The following NSMF variants were observed in gnomAD, a reference collection of about 807,000 sequenced individuals.
NSMF encodes NMDA receptor synaptonuclear signaling and neuronal migration factor, also known as nasal embryonic LHRH factor.
A neutral mutation model predicts 71.0 loss-of-function variants in NSMF; 31 were observed. The observed-to-expected ratio is 0.44, with a 90% CI of 0.33 to 0.59. The LOEUF (loss-of-function observed/expected upper bound fraction) is 0.59, where lower values mean the gene tolerates loss of function less well. NSMF is among the 20% of genes least tolerant of loss of function. NSMF has a pLI of 0.04. For missense variants in NSMF, 673 were observed against 740.5 expected (o/e 0.91, Z 1.06); for synonymous variants, 345 against 287.1 (o/e 1.20, Z -2.04).
Position 137,457,710 on chromosome 9 carries a change from C to G in NSMF, c.325G>C (p.Ala109Pro). The change falls in exon 3 of 16, where the codon GCC becomes CCC. Residue 109 changes from alanine to proline, a missense_variant. Ala to Pro is a conservative substitution (Grantham distance 27). This residue lies in a region of NSMF where 471 missense variants were observed against 459.6 expected (regional missense o/e 1.02). Transcript: ENST00000371475. ...TCCGCCTCAGGGCTGGGCAGCAGGG[C>G]AGGCTCCCCAGAGATGGTGTACACT... ...PRVYTISGEP[A>P]LLPSPEAEAI... 6.4e-7 allele frequency: 1 copy of G among 1,553,694 alleles called. No homozygotes were observed. Among genetic ancestry groups the G allele is most frequent in the Non-Finnish European group, 8.7e-7 (1 of 1,148,734 alleles).
Position 137,450,249 on chromosome 9 carries a change from G to C in NSMF, c.1243C>G (p.Pro415Ala). The change falls in exon 13 of 16, where the codon CCT (proline) becomes GCT (alanine). Residue 415 changes from proline (P) to alanine (A), a missense_variant. Coordinates refer to ENST00000371475, the MANE Select transcript of NSMF (RefSeq NM_001130969.3). ...TTCTTGAGGAGATAGAGGTGTCCAGGACCTCCCTGTAAGAAGCTGTGGTCA... is the reference window on the plus strand; with the variant it reads ...TTCTTGAGGAGATAGAGGTGTCCAGCACCTCCCTGTAAGAAGCTGTGGTCA... ...WKMLIFCQGGPGHLYLLKNKV... is the reference protein window; with the variant it reads ...WKMLIFCQGGAGHLYLLKNKV... 1 of 1,613,040 alleles carries C rather than the reference G, an allele frequency of 6.2e-7. No homozygotes were observed. The highest frequency in any genetic ancestry group is 8.5e-7 in the Non-Finnish European group (1 of 1,179,534).
At position 137,453,667 on chromosome 9, in the gene NSMF, A is replaced by G; in HGVS notation, c.922+64T>C. On this transcript the variant is annotated intron_variant, in intron 8 of 15. Coordinates refer to ENST00000371475, the MANE Select transcript of NSMF (RefSeq NM_001130969.3). The surrounding 1 kb of genome is among the most constrained non-coding windows in gnomAD (Gnocchi z 4.5). The stretch of plus-strand genomic sequence containing the variant: ...CCAGCGGCCCTGGCAGGGGACCCCC[A>G]GCAGGGGTCTGGGGTCTAGGGGAGG... 1.5e-6 allele frequency: 2 copies of G among 1,334,148 alleles called. No individual in the cohort carries two copies. Among genetic ancestry groups the G allele is most frequent in the East Asian group, 2.4e-5 (1 of 41,116 alleles). The allele number at this position is 1,334,148 out of a possible 1,614,324, so 82.6% of individuals were successfully genotyped here. A position where few individuals can be genotyped will look rare whatever the true frequency, so the allele number is the denominator to read the frequency against.
chr9:137,453,110 C>T lies in NSMF; in HGVS notation c.993G>A (p.Lys331=), dbSNP rs1830625647. 6.2e-7 allele frequency: 1 copy of T among 1,612,702 alleles called. No individual in the cohort carries two copies. The highest frequency in any genetic ancestry group is 8.5e-7 in the Non-Finnish European group (1 of 1,179,924). ...TGTCGCAGGCCACAGCCTCCAGGCC[C>T]TTCTCAGTGTCCCAGTCCAGGTCCT... ...AFEDLDWDTE[K]GLEAVACDTE... is the part of the protein sequence containing the mutation. Residue 331 remains lysine, a synonymous_variant, in exon 9 of 16, where the codon AAG becomes AAA. Coordinates refer to ENST00000371475, the MANE Select transcript of NSMF (RefSeq NM_001130969.3). This position sits in a 1 kb window ranked among gnomAD's most constrained non-coding sequence, Gnocchi z 4.5.
At position 137,450,117 on chromosome 9, in the gene NSMF, T is replaced by C. The variant is rs761119585; in HGVS notation, c.1316+59A>G. 1.1e-5 allele frequency: 17 copies of C among 1,587,508 alleles called. No individual in the cohort carries two copies. The South Asian group carries it at 1.5e-4, about 14-fold the overall frequency. On this transcript the variant is annotated intron_variant, in intron 13 of 15. Transcript: ENST00000371475. ...GAGGAGGGGCTGTGGGGGAGGGACATGCCAGGGCCTGGACTCTGCCTCCAG... is the reference window on the plus strand; with the variant it reads ...GAGGAGGGGCTGTGGGGGAGGGACACGCCAGGGCCTGGACTCTGCCTCCAG...
chr9:137,456,465 C>T lies in NSMF; in HGVS notation c.650G>A (p.Trp217Ter). The change falls in exon 4 of 16, where the codon TGG becomes TAG. Residue 217 changes from tryptophan (W) to a stop codon, truncating the protein, a stop_gained. Transcript: ENST00000371475. LOFTEE classifies it high-confidence loss of function. ...RVSDDIPIRT[W>*]FPKENLFSFQ... ...GCTGAAAAGATTTTCCTTGGGGAAC[C>T]AGGTACGAATAGGGATGTCGTCTAA... is the stretch of plus-strand genomic sequence containing the variant. The T allele has an allele frequency of 6.2e-7, 1 of 1,613,072 alleles. No homozygotes were observed. The highest frequency in any genetic ancestry group is 8.5e-7 in the Non-Finnish European group (1 of 1,179,526).
At chr9:137,458,605 G>A (rs933817511) in intron 1 of NSMF, 56 bp from the exon 2 acceptor site, 5 of 1,508,646 alleles carry the variant, frequency 3.3e-6, no homozygotes, top group Admixed American at 1.9e-5. Context: ...CCCAAACACC[G>A]GGCCGCGCAA....
In NSMF at chr9:137,455,373, A is replaced by G. The variant is rs373054956; in HGVS notation, c.711-66T>C. On this transcript the variant is annotated intron_variant, in intron 5 of 15. Transcript: ENST00000371475. ...GCAGGAGGGACACAGACGTCGGGAC[A>G]GTGGTGCGAGCAGAGGGCCCAGCAG... 2.0e-4 allele frequency: 307 copies of G among 1,564,344 alleles called. No individual in the cohort carries two copies. The African/African-American group carries it at 3.8e-3, about 20-fold the overall frequency.
chr9:137,458,583 C>G (rs753777242), intron 1 of NSMF, 34 bp from the exon 2 acceptor site: 2 of 1,559,574 alleles, frequency 1.3e-6, no homozygotes, highest in East Asian at 2.4e-5. Context: ...TCAGAGGCCA[C>G]GGCACGACCC....
At position 137,449,346 on chromosome 9, in the gene NSMF, G is replaced by T. The variant is rs372295669; in HGVS notation, c.*48C>A. 1.3e-6 allele frequency: 2 copies of T among 1,515,312 alleles called. No homozygotes were observed. The highest frequency in any genetic ancestry group is 1.8e-6 in the Non-Finnish European group (2 of 1,094,366). 93.9% of individuals were successfully genotyped at this position (1,515,312 alleles called of 1,614,324 possible). ...ACGAGGCGGCCCAGCCCCAGGTCCC[G>T]GTGCAGAGGGAGTGGCCTGATGGTG... On this transcript the variant is annotated 3_prime_UTR_variant, in exon 16 of 16. Transcript: ENST00000371475.
chr9:137,450,014 C>A lies in NSMF; in HGVS notation c.1328G>T (p.Arg443Leu). The A allele has an allele frequency of 6.2e-7, 1 of 1,612,982 alleles. No homozygotes were observed. Among genetic ancestry groups the A allele is most frequent in the Non-Finnish European group, 8.5e-7 (1 of 1,179,892 alleles). Residue 443 changes from arginine to leucine, a missense_variant, in exon 14 of 16, where the codon CGG becomes CTG. By Grantham distance (102) the Arg-to-Leu change is moderately radical. Transcript: ENST00000371475. The part of the protein sequence containing the change: ...KEEDMIHFWK[R>L]LSRLMSKVNP... ...CACTTTGCTCATCAGGCGGCTCAGC[C>A]GCTTCCAGAAGCTGGTGGAGAGGGG...
Position 137,454,390 on chromosome 9 carries a change from C to T in NSMF, c.832+1G>A. ...CCCACCCCCGCCGCACGGGGTCTTACTCTGGGCCTTCACCCTCCGGCTGCC... is the reference window on the plus strand; with the variant it reads ...CCCACCCCCGCCGCACGGGGTCTTATTCTGGGCCTTCACCCTCCGGCTGCC... On this transcript the variant is annotated splice_donor_variant, in intron 7 of 15. Coordinates refer to ENST00000371475, the MANE Select transcript of NSMF (RefSeq NM_001130969.3). LOFTEE classifies it high-confidence loss of function. 1 of 1,550,160 alleles carries T rather than the reference C, an allele frequency of 6.5e-7. No individual in the cohort carries two copies. The highest frequency in any genetic ancestry group is 8.7e-7 in the Non-Finnish European group (1 of 1,146,816).
Position 137,449,496 on chromosome 9 carries a change from G to T in NSMF, c.1496-5C>A. ...ACGTCTCGATCATCTGCTTCCCTGG[G>T]CGGAGCGGGGGCAGGAGGCTCAGGC... On this transcript the variant is annotated splice_polypyrimidine_tract_variant and splice_region_variant and intron_variant, in intron 15 of 15. Coordinates refer to ENST00000371475, the MANE Select transcript of NSMF (RefSeq NM_001130969.3). 4 of 1,612,780 alleles carry T rather than the reference G, an allele frequency of 2.5e-6. No individual in the cohort carries two copies. The highest frequency in any genetic ancestry group is 3.4e-6 in the Non-Finnish European group (4 of 1,179,856).
At position 137,453,492 on chromosome 9, in the gene NSMF, T is replaced by A; in HGVS notation, c.922+239A>T. 1.7e-6 allele frequency: 1 copy of A among 595,846 alleles called. No individual in the cohort carries two copies. Among genetic ancestry groups the A allele is most frequent in the Non-Finnish European group, 3.0e-6 (1 of 336,706 alleles). 36.9% of individuals were successfully genotyped at this position (595,846 alleles called of 1,614,324 possible). A position where few individuals can be genotyped will look rare whatever the true frequency, so the allele number is the denominator to read the frequency against. ...CCGCAGCCCCCTGCCCCTGAGGGCC[T>A]CTTGCGAGTGGCGGTGGGCACGGCC... On this transcript the variant is annotated intron_variant, in intron 8 of 15. Coordinates refer to ENST00000371475, the MANE Select transcript of NSMF (RefSeq NM_001130969.3). This position sits in a 1 kb window ranked among gnomAD's most constrained non-coding sequence, Gnocchi z 4.5.
intron 1 of NSMF, 34 bp downstream of exon 1, chr9:137,458,998 G>A (rs1370297845): frequency 4.7e-6 from 6 of 1,269,314 alleles, no homozygotes; most frequent in Non-Finnish European, 6.0e-6. Flanking sequence ...GAGGTCCAGG[G>A]CGGGGTGCGG....
At position 137,453,036 on chromosome 9, in the gene NSMF, C is replaced by T; in HGVS notation, c.1047+20G>A. On this transcript the variant is annotated intron_variant, in intron 9 of 15. Coordinates refer to ENST00000371475, the MANE Select transcript of NSMF (RefSeq NM_001130969.3). This position sits in a 1 kb window ranked among gnomAD's most constrained non-coding sequence, Gnocchi z 4.5. ...GTCCTGCTCGGGGTGTAGAGGAGCA[C>T]TGCCCGGGCTGGGCCTCACCATGAC... 6.2e-7 allele frequency: 1 copy of T among 1,611,772 alleles called. No individual in the cohort carries two copies. The highest frequency in any genetic ancestry group is 8.5e-7 in the Non-Finnish European group (1 of 1,179,880).
At chr9:137,454,336 C>T in intron 7 of NSMF, 55 bp downstream of exon 7, 2 of 1,504,086 alleles carry the variant, frequency 1.3e-6, no homozygotes, top group Non-Finnish European at 1.8e-6. Flanking sequence ...GCAAGCAAAG[C>T]CCCAACCAGC....
rs1315201481 is a variant in NSMF, at chr9:137,450,287, T to A, written c.1237-32A>T. The A allele has an allele frequency of 1.9e-6, 3 of 1,570,300 alleles. No individual in the cohort carries two copies. In the South Asian group the frequency reaches 3.3e-5, roughly 17 times the overall value. On this transcript the variant is annotated intron_variant, in intron 12 of 15. Coordinates refer to ENST00000371475, the MANE Select transcript of NSMF (RefSeq NM_001130969.3). ...GAAGCTGTGGTCAGGCATCTGCTCC[T>A]CCTTCCTCCCCCTCTCCGACACACA...
At position 137,453,180 on chromosome 9, in the gene NSMF, C is replaced by T. The variant is rs1214650731; in HGVS notation, c.923G>A (p.Ser308Asn). 1 of 1,612,366 alleles carries T rather than the reference C, an allele frequency of 6.2e-7. No homozygotes were observed. Among genetic ancestry groups the T allele is most frequent in the Admixed American group, 1.7e-5 (1 of 60,006 alleles). Reference sequence around the variant, plus strand: ...GCAGTGGGAGCTCTGCAGGTCACTGCCTGGGAAGCAAGAGGGTCACCAGGA... The same window carrying T: ...GCAGTGGGAGCTCTGCAGGTCACTGTCTGGGAAGCAAGAGGGTCACCAGGA... Reference protein sequence around the residue: ...KADTSHDSRDSSDLQSSHCTL... With the variant: ...KADTSHDSRDNSDLQSSHCTL... The change falls in exon 9 of 16, where the codon AGC (serine) becomes AAC (asparagine). Residue 308 changes from serine (S) to asparagine (N), a missense_variant and splice_region_variant. Physicochemically the swap from Ser to Asn is conservative, Grantham distance 46 (BLOSUM62 1). Transcript: ENST00000371475. This position sits in a 1 kb window ranked among gnomAD's most constrained non-coding sequence, Gnocchi z 4.5.
Position 137,453,381 on chromosome 9 carries a change from C to T in NSMF, c.923-201G>A, listed in dbSNP as rs1164667997. The stretch of plus-strand genomic sequence containing the variant: ...CAGCGGCCTGATGTGGGAAGGGAGA[C>T]CCTGGTGCGAGGCCGGTGGAAGGCG... On this transcript the variant is annotated intron_variant, in intron 8 of 15. Coordinates refer to ENST00000371475, the MANE Select transcript of NSMF (RefSeq NM_001130969.3). This position sits in a 1 kb window ranked among gnomAD's most constrained non-coding sequence, Gnocchi z 4.5. 2.1e-5 allele frequency: 15 copies of T among 711,936 alleles called. 1 individual carries two copies. In the South Asian group the frequency reaches 2.8e-4, roughly 13 times the overall value. The allele number at this position is 711,936 out of a possible 1,614,324, so 44.1% of individuals were successfully genotyped here.
Sources: gnomAD v4.1 joint callset for allele counts on GRCh38, gnomAD v4.1.1 for gene constraint, gnomAD v4.1.1 regional missense constraint, Gnocchi (gnomAD v3.1) non-coding constraint, MANE v1.5 for transcripts, NCBI Gene and HGNC (gene_info 2026-07-23, HGNC 2026-07-21) for gene names.